Variants in KAZN observed in about 807,000 individuals in gnomAD.
KAZN encodes kazrin, periplakin interacting protein.
Under a neutral mutation model 87.4 loss-of-function variants are expected in KAZN, and 40 were observed. That is an observed-to-expected ratio of 0.46 (90% CI 0.36 to 0.60). The LOEUF is 0.60. Ranked by LOEUF, KAZN falls within the 20% of genes least tolerant of loss-of-function variation. The pLI is 0.00. For missense variants in KAZN, 898 were observed against 1,073.9 expected (o/e 0.84, Z 2.29); for synonymous variants, 466 against 458.3 (o/e 1.02, Z -0.22).
At chr1:14,371,201 A>G (rs532593504) in intron 2 of KAZN, among the ~76,000 whole-genome samples, 1 of 152,300 alleles carries the variant, frequency 6.6e-6, no homozygotes, top group South Asian at 2.1e-4. Flanking sequence ...AGCAAGCTAC[A>G]TTTGGGACAA....
intron 2 of KAZN, among the ~76,000 whole-genome samples, chr1:14,982,056 G>T (rs1666296413): frequency 6.6e-6 from 1 of 152,308 alleles, no homozygotes; most frequent in African/African-American, 2.4e-5. Flanking sequence ...TGTGTGCCAG[G>T]CTGTCTGCAT....
rs1423294036 is a variant in KAZN, at chr1:15,096,009, G to GA, written c.1547+1077dup. 6.6e-6 allele frequency among the ~76,000 whole-genome samples: 1 copy of GA among 152,188 alleles called. No individual in the cohort carries two copies. Among genetic ancestry groups the GA allele is most frequent in the Non-Finnish European group, 1.5e-5 (1 of 68,032 alleles). On this transcript the variant is annotated intron_variant, in intron 10 of 14. Coordinates refer to ENST00000376030, the MANE Select transcript of KAZN (RefSeq NM_201628.3). The surrounding 1 kb of genome is among the most constrained non-coding windows in gnomAD (Gnocchi z 4.5). Reference sequence around the variant, plus strand: ...AGACAGGGCTGGGCTGAGGGATGGGGAGGAGGGCCATGAGGGCAACCCCTG... The same window carrying GA: ...AGACAGGGCTGGGCTGAGGGATGGGGAAGGAGGGCCATGAGGGCAACCCCTG...
intron 2 of KAZN, among the ~76,000 whole-genome samples, chr1:14,195,388 A>T (rs1195070299): frequency 6.6e-6 from 1 of 152,004 alleles, no homozygotes; most frequent in African/African-American, 2.4e-5. Flanking sequence ...CCAAGTGTTT[A>T]TTAGGATTGA....
intron 2 of KAZN, among the ~76,000 whole-genome samples, chr1:14,330,293 GC>G (rs1656752806): frequency 6.6e-6 from 1 of 152,154 alleles, no homozygotes; most frequent in South Asian, 2.1e-4. Context: ...ATAAGCTACT[GC>G]CCATTTCTCC....
chr1:14,644,842 T>C (rs1448301945), intron 1 of KAZN, among the ~76,000 whole-genome samples: 1 of 152,238 alleles, frequency 6.6e-6, no homozygotes. Flanking sequence ...TTTGTTGTGA[T>C]TGCTTTTGGT....
Position 14,324,136 on chromosome 1 carries a change from T to A in KAZN, c.249+143544T>A, listed in dbSNP as rs79948591. On this transcript the variant is annotated intron_variant, in intron 2 of 16. Coordinates refer to the KAZN transcript ENST00000636203. ...ATTAGGGATGTGATGTGCCTCCCAC[T>A]GTAACCACAGGTGACAATTTGCCAA... 2.0e-5 allele frequency among the ~76,000 whole-genome samples: 3 copies of A among 152,326 alleles called. No individual in the cohort carries two copies. In the East Asian group the frequency reaches 5.8e-4, roughly 29 times the overall value.
At chr1:14,244,115 A>C (rs549232748) in intron 2 of KAZN, among the ~76,000 whole-genome samples, 5 of 151,264 alleles carry the variant, frequency 3.3e-5, no homozygotes, top group African/African-American at 1.2e-4. Context: ...CTGTTAAAAC[A>C]AACAAACAAA....
In KAZN at chr1:14,984,375, C is replaced by CA. The variant is rs879713609; in HGVS notation, c.418+23508dup. 5.3e-5 allele frequency among the ~76,000 whole-genome samples: 8 copies of CA among 150,042 alleles called. No homozygotes were observed. The South Asian group carries it at 1.1e-3, about 20-fold the overall frequency. On this transcript the variant is annotated intron_variant, in intron 2 of 14. Transcript: ENST00000376030. ...CTGGGAAACAGGCAAGACTCTGTCT[C>CA]AAAAAAAAGAAAAAAGAAAAACAGA...
intron 1 of KAZN, among the ~76,000 whole-genome samples, chr1:14,807,371 C>A (rs1180402073): frequency 6.6e-6 from 1 of 152,180 alleles, no homozygotes; most frequent in African/African-American, 2.4e-5. Flanking sequence ...CACTTAGTAT[C>A]CTGTAATAAA....
chr1:14,485,767 C>T (rs1281426030), intron 2 of KAZN, among the ~76,000 whole-genome samples: 3 of 151,992 alleles, frequency 2.0e-5, no homozygotes, highest in Non-Finnish European at 4.4e-5. Context: ...CTGGTGCGTG[C>T]CTGTAGTCCC....
intron 2 of KAZN, among the ~76,000 whole-genome samples, chr1:14,388,879 T>C (rs374035355): frequency 3.0e-4 from 45 of 152,138 alleles, no homozygotes; most frequent in African/African-American, 1.0e-3. Flanking sequence ...GGCTTCTGCA[T>C]AGCAAAGGAA....
chr1:15,013,780 G>A (rs1425054039), intron 2 of KAZN, among the ~76,000 whole-genome samples: 1 of 151,820 alleles, frequency 6.6e-6, no homozygotes, highest in Non-Finnish European at 1.5e-5. Context: ...AGAGATGGGA[G>A]AACAGTACAG....
At chr1:14,699,990 G>A (rs533199711) in intron 1 of KAZN, among the ~76,000 whole-genome samples, 1 of 152,284 alleles carries the variant, frequency 6.6e-6, no homozygotes, top group South Asian at 2.1e-4. Context: ...TGCAAAGGCT[G>A]TGAGGCAGGA....
At chr1:14,412,609 AAAG>A (rs1468847740) in intron 2 of KAZN, among the ~76,000 whole-genome samples, 5 of 152,072 alleles carry the variant, frequency 3.3e-5, no homozygotes, top group Non-Finnish European at 5.9e-5. Flanking sequence ...AAAATACATA[AAAG>A]AAGAGGAAAA....
chr1:14,516,555 G>A (rs1041987633), intron 2 of KAZN, among the ~76,000 whole-genome samples: 4 of 152,176 alleles, frequency 2.6e-5, no homozygotes, highest in African/African-American at 4.8e-5. Flanking sequence ...TCTCTTCTGC[G>A]AGAAACAACA....
chr1:14,817,123 A>G (rs1213500313), intron 1 of KAZN, among the ~76,000 whole-genome samples: 1 of 152,132 alleles, frequency 6.6e-6, no homozygotes, highest in Non-Finnish European at 1.5e-5. Context: ...GCCCCGAGTA[A>G]TGCTAATTAC....
Position 14,374,860 on chromosome 1 carries a change from G to C in KAZN, c.249+194268G>C, listed in dbSNP as rs138783677. 5.9e-3 allele frequency among the ~76,000 whole-genome samples: 892 copies of C among 152,344 alleles called. 15 individuals are homozygous for C. Among genetic ancestry groups the C allele is most frequent in the African/African-American group, 0.02 (847 of 41,576 alleles). ...TAGCCTGAATCTGTCCTGGAAATGA[G>C]TATGGGAAAAGGAGGTCAGTAAATT... On this transcript the variant is annotated intron_variant, in intron 2 of 16. Transcript: ENST00000636203.
At chr1:13,897,076 GCA>G (rs1639072683) in intron 1 of KAZN, among the ~76,000 whole-genome samples, 1 of 152,024 alleles carries the variant, frequency 6.6e-6, no homozygotes, top group African/African-American at 2.4e-5. Context: ...CCAAAGGTTG[GCA>G]AGCTACATCC....
intron 2 of KAZN, among the ~76,000 whole-genome samples, chr1:14,580,335 C>T (rs1220626462): frequency 2.6e-5 from 4 of 151,978 alleles, no homozygotes; most frequent in South Asian, 2.1e-4. Context: ...ATTAGCCGAG[C>T]GTGGTGTCGC....
Sources: gnomAD v4.1 joint callset for allele counts (sites outside exome capture counted in the v4.1 genomes callset) on GRCh38, gnomAD v4.1.1 for gene constraint, Gnocchi (gnomAD v3.1) non-coding constraint, MANE v1.5 for transcripts, NCBI Gene and HGNC (gene_info 2026-07-23, HGNC 2026-07-21) for gene names.